NIN: variants seen among roughly 807,000 people sequenced by gnomAD.
NIN encodes glycogen synthase kinase 3 beta-interacting protein.
In NIN, 137 loss-of-function variants were observed where a neutral mutation model predicts 257.6. The ratio of observed to expected loss-of-function variants is 0.53; its 90% CI spans 0.46 to 0.61. The LOEUF (loss-of-function observed/expected upper bound fraction) is 0.61, where lower values mean the gene tolerates loss of function less well. Ranked by LOEUF, NIN falls within the 20% of genes least tolerant of loss-of-function variation. NIN has a pLI of 0.00. For synonymous variants in NIN, 918 were observed against 919.8 expected (o/e 1.00, Z 0.04); for missense variants, 2,439 against 2,501.2 (o/e 0.98, Z 0.53).
intron 4 of NIN, among the ~76,000 whole-genome samples, chr14:50,798,917 T>C (rs939383876): frequency 1.3e-5 from 2 of 152,230 alleles, no homozygotes; most frequent in Non-Finnish European, 2.9e-5. Context: ...TAGCTGGGAC[T>C]ATAGGCACGT....
At chr14:50,755,676 TTTA>T (rs59640559) in intron 18 of NIN, among the ~76,000 whole-genome samples, 16,194 of 73,508 alleles carry the variant, frequency 0.22, 2,165 homozygotes, top group East Asian at 0.36. Flanking sequence ...TTTTTTTTTT[TTTA>T]AAAGAGACAG....
At chr14:50,818,480 G>A (rs898128517) in intron 3 of NIN, among the ~76,000 whole-genome samples, 1 of 152,110 alleles carries the variant, frequency 6.6e-6, no homozygotes, top group South Asian at 2.1e-4. Flanking sequence ...ATAAAACTTG[G>A]TTCATGGTTC....
At chr14:50,769,821 T>C (rs11621132) in intron 12 of NIN, among the ~76,000 whole-genome samples, 18,359 of 151,274 alleles carry the variant, frequency 0.12, 1,210 homozygotes, top group African/African-American at 0.15. Flanking sequence ...CATGAGCCTA[T>C]AGTCCCAGCT....
chr14:50,730,831 A>G, intron 28 of NIN: 1 of 1,016,284 alleles, frequency 9.8e-7, no homozygotes, highest in Non-Finnish European at 1.3e-6. Context: ...TTAAGTACTT[A>G]TTAACTGTTA....
In NIN at chr14:50,757,629, T is replaced by G. The variant is rs749874600; in HGVS notation, c.3401A>C (p.Gln1134Pro). 1.2e-5 allele frequency: 19 copies of G among 1,614,050 alleles called. No homozygotes were observed. Among genetic ancestry groups the G allele is most frequent in the Non-Finnish European group, 1.4e-5 (17 of 1,180,048 alleles). Reference sequence around the variant, plus strand: ...ATGCCGCCTGGTCACACCTTCTACTTGCTTCGTTCGGTTTTGCTGTAAAAA... The same window carrying G: ...ATGCCGCCTGGTCACACCTTCTACTGGCTTCGTTCGGTTTTGCTGTAAAAA... ...EQFLQQNRTK[Q>P]VEGVTRRHVL... Residue 1134 changes from glutamine (Q) to proline (P), a missense_variant, in exon 18 of 31, where the codon CAA becomes CCA. Gln to Pro is a moderately conservative substitution (Grantham distance 76). Transcript: ENST00000530997.
intron 15 of NIN, among the ~76,000 whole-genome samples, chr14:50,762,934 A>C (rs1025434325): frequency 1.3e-5 from 2 of 152,182 alleles, no homozygotes; most frequent in African/African-American, 4.8e-5. Flanking sequence ...TGTCCTCATG[A>C]GGAACAACCC....
intron 5 of NIN, among the ~76,000 whole-genome samples, chr14:50,779,727 C>T (rs1474506633): frequency 6.7e-6 from 1 of 149,942 alleles, no homozygotes; most frequent in Non-Finnish European, 1.5e-5. Context: ...CACTGCACTC[C>T]AGCCTGGGCA....
rs374515807 is a variant in NIN, at chr14:50,796,072, GA to G, written c.266-3192del. Among the ~76,000 whole-genome samples the G allele has an allele frequency of 9.2e-5, 14 of 152,330 alleles. No homozygotes were observed. In the East Asian group the frequency reaches 2.7e-3, roughly 29 times the overall value. On this transcript the variant is annotated intron_variant, in intron 4 of 30. Transcript: ENST00000530997. Reference sequence around the variant, plus strand: ...CAGTGTTTCAGTGTTTGAGTTCCTTGAAAGTGTATTTATGATTCTCCCTGGA... The same window carrying G: ...CAGTGTTTCAGTGTTTGAGTTCCTTGAAGTGTATTTATGATTCTCCCTGGA...
intron 18 of NIN, 35 bp downstream of exon 18, chr14:50,756,457 T>G: frequency 1.3e-6 from 2 of 1,546,314 alleles, no homozygotes; most frequent in Non-Finnish European, 8.7e-7. Context: ...AGGTGCTCTG[T>G]GGGATTCGTG....
intron 25 of NIN, among the ~76,000 whole-genome samples, chr14:50,740,529 T>C (rs1161278134): frequency 6.6e-6 from 1 of 152,150 alleles, no homozygotes; most frequent in Non-Finnish European, 1.5e-5. Flanking sequence ...TTTTTATTTT[T>C]AGTAGAGATG....
At chr14:50,799,028 G>A (rs1233654384) in intron 4 of NIN, among the ~76,000 whole-genome samples, 3 of 152,126 alleles carry the variant, frequency 2.0e-5, no homozygotes, top group East Asian at 1.9e-4. Flanking sequence ...CATCTGCCTC[G>A]GCCTCCCAAA....
chr14:50,771,801 C>T (rs1199433278), intron 9 of NIN, among the ~76,000 whole-genome samples: 1 of 152,072 alleles, frequency 6.6e-6, no homozygotes, highest in Non-Finnish European at 1.5e-5. Flanking sequence ...TCCTGGCCAA[C>T]ACGGTGAAAC....
intron 4 of NIN, chr14:50,794,422 A>C: frequency 2.2e-6 from 2 of 891,942 alleles, no homozygotes; most frequent in Non-Finnish European, 2.7e-6. Context: ...AATTGCATGC[A>C]TATTTGAAGG....
At chr14:50,813,676 G>C (rs1295002955) in intron 3 of NIN, among the ~76,000 whole-genome samples, 2 of 152,222 alleles carry the variant, frequency 1.3e-5, no homozygotes, top group African/African-American at 4.8e-5. Flanking sequence ...AACTAATGTT[G>C]CATAAACTCA....
chr14:50,798,446 G>A (rs1174476183), intron 4 of NIN, among the ~76,000 whole-genome samples: 1 of 151,152 alleles, frequency 6.6e-6, no homozygotes, highest in African/African-American at 2.5e-5. Context: ...TGGTGGATGA[G>A]TGTGGCAAGG....
At chr14:50,743,289 G>C in intron 24 of NIN, 127 bp downstream of exon 24, 2 of 652,348 alleles carry the variant, frequency 3.1e-6, no homozygotes, top group East Asian at 5.8e-5. Flanking sequence ...ATCAAACATT[G>C]GTCAAATTGA....
At chr14:50,763,528 TC>T (rs2042353465) in intron 15 of NIN, among the ~76,000 whole-genome samples, 2 of 152,200 alleles carry the variant, frequency 1.3e-5, no homozygotes, top group African/African-American at 4.8e-5. Context: ...AGGCCTGGAT[TC>T]CCAGATTTGC....
intron 28 of NIN, among the ~76,000 whole-genome samples, chr14:50,731,750 C>T (rs1051796231): frequency 2.0e-5 from 3 of 151,894 alleles, no homozygotes; most frequent in Non-Finnish European, 4.4e-5. Context: ...CGCTCGAATC[C>T]GGGAGGCAGA....
intron 2 of NIN, among the ~76,000 whole-genome samples, chr14:50,826,682 T>C (rs1178559582): frequency 3.3e-5 from 5 of 152,160 alleles, no homozygotes; most frequent in Admixed American, 3.3e-4. Context: ...ACGTCTGTTC[T>C]GGGCCAGAGG....
Sources: allele counts gnomAD v4.1 joint callset (sites outside exome capture counted in the v4.1 genomes callset), GRCh38; gene constraint gnomAD v4.1.1; transcripts MANE v1.5; gene names NCBI Gene and HGNC (gene_info 2026-07-23, HGNC 2026-07-21).